The following TGFBR3 variants were observed in gnomAD, a reference collection of about 807,000 sequenced individuals.
The protein encoded by TGFBR3 is transforming growth factor beta receptor type 3.
Under a neutral mutation model 87.9 loss-of-function variants are expected in TGFBR3, and 46 were observed. That is an observed-to-expected ratio of 0.52 (90% CI 0.41 to 0.67). The LOEUF (loss-of-function observed/expected upper bound fraction) is 0.67. Ranked by LOEUF, TGFBR3 falls within the 30% of genes least tolerant of loss-of-function variation. TGFBR3 has a pLI of 0.00. For missense variants in TGFBR3, 866 were observed against 1,041.9 expected (o/e 0.83, Z 2.32); for synonymous variants, 381 against 391.6 (o/e 0.97, Z 0.32).
chr1:91,849,001 G>A (rs907054361), intron 2 of TGFBR3, among the ~76,000 whole-genome samples: 2 of 152,158 alleles, frequency 1.3e-5, no homozygotes, highest in African/African-American at 2.4e-5. Flanking sequence ...ACTGATGTGA[G>A]AAATACATCT....
intron 3 of TGFBR3, among the ~76,000 whole-genome samples, chr1:91,768,478 C>G (rs1168736620): frequency 6.6e-6 from 1 of 152,088 alleles, no homozygotes; most frequent in African/African-American, 2.4e-5. Context: ...GTGTCCCCAC[C>G]CAAATCTCAT....
At chr1:91,813,576 C>T (rs1557724462) in intron 2 of TGFBR3, among the ~76,000 whole-genome samples, 1 of 152,206 alleles carries the variant, frequency 6.6e-6, no homozygotes, top group African/African-American at 2.4e-5. Flanking sequence ...TCCTTCCTGT[C>T]TTCTTTCTTG....
At chr1:91,863,502 G>A (rs11165679) in intron 1 of TGFBR3, among the ~76,000 whole-genome samples, 38,404 of 152,092 alleles carry the variant, frequency 0.25, 5,413 homozygotes, top group Non-Finnish European at 0.31. Flanking sequence ...TCCCTAGCAC[G>A]TAACAACCAA....
chr1:91,862,974 A>G (rs1157564764), intron 1 of TGFBR3, among the ~76,000 whole-genome samples: 1 of 152,250 alleles, frequency 6.6e-6, no homozygotes, highest in Non-Finnish European at 1.5e-5. Context: ...ATTATTTTAA[A>G]TGAGTTTTTA....
intron 2 of TGFBR3, among the ~76,000 whole-genome samples, chr1:91,895,216 G>A (rs1371739892): frequency 6.6e-6 from 1 of 152,178 alleles, no homozygotes; most frequent in Non-Finnish European, 1.5e-5. Flanking sequence ...AATTTCTCAT[G>A]AATGGTTTAG....
chr1:91,831,431 C>T (rs1456027333), intron 2 of TGFBR3, among the ~76,000 whole-genome samples: 8 of 139,586 alleles, frequency 5.7e-5, no homozygotes, highest in Non-Finnish European at 1.3e-4. Context: ...AAAACTTAAG[C>T]AAAATTAAGG....
At chr1:91,768,475 C>T (rs965540378) in intron 3 of TGFBR3, among the ~76,000 whole-genome samples, 1 of 152,180 alleles carries the variant, frequency 6.6e-6, no homozygotes, top group South Asian at 2.1e-4. Context: ...TCTGTGTCCC[C>T]ACCCAAATCT....
chr1:91,852,606 G>T (rs533230380), intron 2 of TGFBR3, among the ~76,000 whole-genome samples: 132 of 152,174 alleles, frequency 8.7e-4, no homozygotes, highest in Non-Finnish European at 1.6e-3. Context: ...CGCTCTTGTT[G>T]CCCAGGCTGG....
At chr1:91,819,369 G>GAA (rs34256694) in intron 2 of TGFBR3, among the ~76,000 whole-genome samples, 5 of 146,860 alleles carry the variant, frequency 3.4e-5, no homozygotes, top group Admixed American at 6.8e-5. Flanking sequence ...CTCCGTCTGG[G>GAA]AAAAAAAAAA....
intron 2 of TGFBR3, among the ~76,000 whole-genome samples, chr1:91,840,628 A>G (rs1483781297): frequency 6.6e-6 from 1 of 152,174 alleles, no homozygotes; most frequent in East Asian, 1.9e-4. Flanking sequence ...ATAATATTTT[A>G]AAAATCACAT....
chr1:91,724,962 G>A (rs1208487133), intron 7 of TGFBR3, among the ~76,000 whole-genome samples: 2 of 152,104 alleles, frequency 1.3e-5, no homozygotes, highest in Admixed American at 1.3e-4. Context: ...AGAACAAGCT[G>A]CCCATCATCA....
At chr1:91,811,788 C>G (rs932827253) in intron 2 of TGFBR3, among the ~76,000 whole-genome samples, 2 of 151,962 alleles carry the variant, frequency 1.3e-5, no homozygotes, top group Non-Finnish European at 2.9e-5. Context: ...TTGCTCAAGA[C>G]GAAACTTTAC....
chr1:91,725,173 C>T (rs1672506249), intron 7 of TGFBR3, among the ~76,000 whole-genome samples: 1 of 152,168 alleles, frequency 6.6e-6, no homozygotes, highest in African/African-American at 2.4e-5. Context: ...CACTGCCTGG[C>T]TCTTTGCACC....
intron 2 of TGFBR3, among the ~76,000 whole-genome samples, chr1:91,845,247 A>C (rs1378828862): frequency 6.6e-6 from 1 of 152,190 alleles, no homozygotes; most frequent in East Asian, 1.9e-4. Context: ...ATAAAGTAAG[A>C]TTTGGTCTGG....
At chr1:91,741,854 T>C (rs1417403317) in intron 4 of TGFBR3, among the ~76,000 whole-genome samples, 1 of 152,138 alleles carries the variant, frequency 6.6e-6, no homozygotes, top group Non-Finnish European at 1.5e-5. Flanking sequence ...GCTATTCCTG[T>C]TCCTTCTACC....
intron 3 of TGFBR3, among the ~76,000 whole-genome samples, chr1:91,776,255 G>A (rs1247780435): frequency 1.3e-5 from 2 of 152,238 alleles, no homozygotes; most frequent in Non-Finnish European, 2.9e-5. Context: ...CTGTGTTTTT[G>A]TTACCTTTGG....
chr1:91,717,836 A>G (rs1170719629), intron 10 of TGFBR3, among the ~76,000 whole-genome samples: 3 of 151,982 alleles, frequency 2.0e-5, no homozygotes, highest in South Asian at 2.1e-4. Context: ...AGGAACTTTA[A>G]GGGATCATTA....
At chr1:91,715,907 G>C (rs1311928899) in intron 12 of TGFBR3, among the ~76,000 whole-genome samples, 1 of 151,802 alleles carries the variant, frequency 6.6e-6, no homozygotes, top group Non-Finnish European at 1.5e-5. Context: ...ATATTCCATG[G>C]TTAACTCTAA....
At position 91,845,866 on chromosome 1, in the gene TGFBR3, T is replaced by C. The variant is rs149491611; in HGVS notation, c.61+15605A>G. ...TTTAAAGCCCTGATCCTGGCTCCTT[T>C]GAACATTTAACACTTAAAACCTGAA... On this transcript the variant is annotated intron_variant, in intron 2 of 16. Coordinates refer to ENST00000212355, the MANE Select transcript of TGFBR3 (RefSeq NM_003243.5). 5.4e-4 allele frequency among the ~76,000 whole-genome samples: 83 copies of C among 152,338 alleles called. 2 individuals are homozygous for C. The highest frequency in any genetic ancestry group is 1.9e-3 in the African/African-American group (81 of 41,580).
Sources: allele counts gnomAD v4.1 joint callset (sites outside exome capture counted in the v4.1 genomes callset), GRCh38; gene constraint gnomAD v4.1.1; transcripts MANE v1.5; gene names NCBI Gene and HGNC (gene_info 2026-07-23, HGNC 2026-07-21).